The following TAFA5 variants were observed in gnomAD, a reference collection of about 807,000 sequenced individuals.
The protein encoded by TAFA5 is TAFA chemokine like family member 5.
Under a neutral mutation model 15.3 loss-of-function variants are expected in TAFA5, and 6 were observed. That is an observed-to-expected ratio of 0.39 (90% CI 0.21 to 0.77). The LOEUF (loss-of-function observed/expected upper bound fraction) is 0.77, where lower values mean the gene tolerates loss of function less well. Ranked by LOEUF, TAFA5 falls within the 30% of genes least tolerant of loss-of-function variation. The probability of loss-of-function intolerance (pLI) is 0.41; values close to 1 mark genes in which losing one functional copy is unlikely to be tolerated. For missense variants in TAFA5, 161 were observed against 193.1 expected (o/e 0.83, Z 0.98); for synonymous variants, 103 against 80.7 (o/e 1.28, Z -1.48).
At chr22:48,608,109 T>TCCCACGGCCCCAGGCTGCCAGCCCCA in intron 1 of TAFA5, among the ~76,000 whole-genome samples, 2 of 150,290 alleles carry the variant, frequency 1.3e-5, no homozygotes, top group African/African-American at 4.9e-5. Context: ...TGCCAGCCCC[T>TCCCACGGCCCCAGGCTGCCAGCCCCA]CCCACGGCCC....
chr22:48,603,159 G>A (rs899107194), intron 1 of TAFA5, among the ~76,000 whole-genome samples: 1 of 152,202 alleles, frequency 6.6e-6, no homozygotes, highest in Non-Finnish European at 1.5e-5. Flanking sequence ...AGACAGGGTC[G>A]CCCCGGAAAA....
intron 1 of TAFA5, among the ~76,000 whole-genome samples, chr22:48,514,668 C>T (rs776449731): frequency 2.0e-5 from 3 of 152,294 alleles, no homozygotes; most frequent in East Asian, 1.9e-4. Context: ...TGACTTGTCC[C>T]GGTGGAGACC....
chr22:48,600,282 C>T (rs547708240), intron 1 of TAFA5, among the ~76,000 whole-genome samples: 15 of 152,274 alleles, frequency 9.9e-5, no homozygotes, highest in African/African-American at 3.1e-4. Flanking sequence ...GGGAGGATGG[C>T]GCCTACCACG....
intron 3 of TAFA5, among the ~76,000 whole-genome samples, chr22:48,738,129 C>T (rs1035850289): frequency 1.3e-5 from 2 of 152,118 alleles, no homozygotes; most frequent in Admixed American, 1.3e-4. Context: ...CTGCCGGGGC[C>T]AAGTGTGAAA....
chr22:48,507,633 C>A (rs1363703857), intron 1 of TAFA5, among the ~76,000 whole-genome samples: 1 of 152,168 alleles, frequency 6.6e-6, no homozygotes, highest in East Asian at 1.9e-4. Context: ...CCCCATGGGG[C>A]CTCATTCAGA....
chr22:48,653,282 C>G (rs1239510269), intron 2 of TAFA5, among the ~76,000 whole-genome samples: 2 of 152,204 alleles, frequency 1.3e-5, no homozygotes, highest in South Asian at 2.1e-4. Flanking sequence ...CACCATGTCC[C>G]TCAGTTCTGA....
intron 3 of TAFA5, among the ~76,000 whole-genome samples, chr22:48,714,231 C>A (rs1929338683): frequency 2.0e-5 from 3 of 152,248 alleles, no homozygotes; most frequent in African/African-American, 7.2e-5. Flanking sequence ...CTTCTGGAAC[C>A]CCCTGTAGGG....
chr22:48,747,218 C>T (rs1186070711), intron 3 of TAFA5, among the ~76,000 whole-genome samples: 2 of 152,190 alleles, frequency 1.3e-5, no homozygotes, highest in South Asian at 2.1e-4. Flanking sequence ...CAGCTCAGGA[C>T]GCCTGCTGGG....
chr22:48,600,274 G>A (rs1446614733), intron 1 of TAFA5, among the ~76,000 whole-genome samples: 3 of 152,232 alleles, frequency 2.0e-5, no homozygotes, highest in Non-Finnish European at 4.4e-5. Context: ...CGTCCCCGGG[G>A]AGGATGGCGC....
intron 1 of TAFA5, among the ~76,000 whole-genome samples, chr22:48,591,008 C>T (rs184429419): frequency 2.0e-5 from 3 of 152,240 alleles, no homozygotes; most frequent in African/African-American, 4.8e-5. Context: ...CCCATCACCA[C>T]GCCCAGCTAA....
intron 1 of TAFA5, among the ~76,000 whole-genome samples, chr22:48,633,914 C>T (rs112062778): frequency 7.9e-5 from 12 of 152,262 alleles, no homozygotes; most frequent in African/African-American, 2.9e-4. Flanking sequence ...TTCTCACAAT[C>T]GTGGGTGAGA....
intron 2 of TAFA5, among the ~76,000 whole-genome samples, chr22:48,695,643 A>G (rs971933323): frequency 2.0e-5 from 3 of 152,080 alleles, no homozygotes; most frequent in Non-Finnish European, 2.9e-5. Flanking sequence ...GAACAGTCCT[A>G]TGGACAATTG....
chr22:48,516,384 G>T (rs1199644212), intron 1 of TAFA5, among the ~76,000 whole-genome samples: 1 of 152,128 alleles, frequency 6.6e-6, no homozygotes, highest in Non-Finnish European at 1.5e-5. Flanking sequence ...CTGTCACCGA[G>T]ACCTCGGGGC....
At chr22:48,579,437 G>A (rs1923948865) in intron 1 of TAFA5, among the ~76,000 whole-genome samples, 1 of 152,166 alleles carries the variant, frequency 6.6e-6, no homozygotes, top group Non-Finnish European at 1.5e-5. Flanking sequence ...GTGTGCACGT[G>A]CTGTGTCTGC....
At chr22:48,737,514 C>T (rs1024898703) in intron 3 of TAFA5, among the ~76,000 whole-genome samples, 1 of 152,184 alleles carries the variant, frequency 6.6e-6, no homozygotes, top group East Asian at 1.9e-4. Flanking sequence ...CCCCTGATGC[C>T]AGCCGGGGTC....
Position 48,489,629 on chromosome 22 carries a change from G to C in TAFA5, c.37G>C (p.Ala13Pro). 1 of 1,514,194 alleles carries C rather than the reference G, an allele frequency of 6.6e-7. No individual in the cohort carries two copies. The allele number at this position is 1,514,194 out of a possible 1,614,324, so 93.8% of individuals were successfully genotyped here. ...GCCCAGGACCGGCAGCCGGCAAGAT[G>C]CGACCGCCCTGCCCAGCATGTCCTC... The part of the protein sequence containing the change: ...PSPRTGSRQD[A>P]TALPSMSSTF... The change falls in exon 1 of 4, where the codon GCG (alanine) becomes CCG (proline). Residue 13 changes from alanine to proline, a missense_variant. Physicochemically the swap from Ala to Pro is conservative, Grantham distance 27. Coordinates refer to ENST00000402357, the MANE Select transcript of TAFA5 (RefSeq NM_001082967.3). This position sits in a 1 kb window ranked among gnomAD's most constrained non-coding sequence, Gnocchi z 5.5.
chr22:48,577,997 G>A (rs116667134), intron 1 of TAFA5, among the ~76,000 whole-genome samples: 1,575 of 152,354 alleles, frequency 0.01, 26 homozygotes, highest in African/African-American at 0.035. Flanking sequence ...CGCGAGGGCT[G>A]TCCTCTGCTG....
intron 1 of TAFA5, among the ~76,000 whole-genome samples, chr22:48,617,081 C>G (rs1925635508): frequency 1.3e-5 from 2 of 152,140 alleles, no homozygotes; most frequent in African/African-American, 2.4e-5. Flanking sequence ...CAATGCACTC[C>G]CCAAAAGATG....
intron 1 of TAFA5, among the ~76,000 whole-genome samples, chr22:48,525,973 GCAC>G (rs1229788738): frequency 2.0e-5 from 3 of 152,264 alleles, no homozygotes; most frequent in African/African-American, 7.2e-5. Flanking sequence ...CTGGACAAGG[GCAC>G]CAAATGGCCC....
Sources: allele counts gnomAD v4.1 joint callset (sites outside exome capture counted in the v4.1 genomes callset), GRCh38; gene constraint gnomAD v4.1.1; non-coding constraint Gnocchi (gnomAD v3.1); transcripts MANE v1.5; gene names NCBI Gene and HGNC (gene_info 2026-07-23, HGNC 2026-07-21).